SENP7: variants seen among roughly 807,000 people sequenced by gnomAD.
The protein encoded by SENP7 is sentrin-specific protease 7.
A neutral mutation model predicts 141.2 loss-of-function variants in SENP7; 64 were observed. That is an observed-to-expected ratio of 0.45 (90% CI 0.37 to 0.56). SENP7 has a LOEUF of 0.56. Among genes scored for constraint, SENP7 ranks in the 20% least tolerant of loss-of-function variants. The pLI is 0.00. For synonymous variants in SENP7, 382 were observed against 426.4 expected (o/e 0.90, Z 1.28); for missense variants, 1,025 against 1,212.2 (o/e 0.85, Z 2.29).
Position 101,358,007 on chromosome 3 carries a change from C to A in SENP7, c.1623+3708G>T, listed in dbSNP as rs1184906854. 5 of 610,628 alleles carry A rather than the reference C, an allele frequency of 8.2e-6. No homozygotes were observed. The East Asian group carries it at 2.5e-4, about 31-fold the overall frequency. The allele number at this position is 610,628 out of a possible 1,614,324, so 37.8% of individuals were successfully genotyped here. ...TAAGAAAATTCTTATTGGAGAGAAA[C>A]CATACAAGTGTGTTAAATGTGGCAA... On this transcript the variant is annotated intron_variant, in intron 11 of 23. Transcript: ENST00000394095.
intron 3 of SENP7, among the ~76,000 whole-genome samples, chr3:101,490,207 A>C (rs1437504315): frequency 3.3e-5 from 5 of 151,732 alleles, no homozygotes; most frequent in Admixed American, 3.3e-4. Context: ...AAACAAACAA[A>C]CAAAAAAAAA....
In SENP7 at chr3:101,438,679, C is replaced by A. The variant is rs1183398198; in HGVS notation, c.284+20276G>T. ...ATATTTAAAATAGATACATGTTATT[C>A]TATGTAAATTACACATCAATAAAGT... On this transcript the variant is annotated intron_variant, in intron 4 of 23. Transcript: ENST00000394095. Among the ~76,000 whole-genome samples, 16 of 152,288 alleles carry A rather than the reference C, an allele frequency of 1.1e-4. No individual in the cohort carries two copies. In the East Asian group the frequency reaches 3.1e-3, roughly 29 times the overall value.
intron 2 of SENP7, 124 bp downstream of exon 2, chr3:101,500,945 TC>T (rs1218055018): frequency 3.0e-6 from 2 of 657,174 alleles, no homozygotes; most frequent in Non-Finnish European, 5.2e-6. Flanking sequence ...TACACCACTC[TC>T]CCAAAACACT....
At chr3:101,368,696 C>T (rs541132254) in intron 7 of SENP7, among the ~76,000 whole-genome samples, 10 of 151,780 alleles carry the variant, frequency 6.6e-5, no homozygotes, top group African/African-American at 1.4e-4. Flanking sequence ...CTAACCTGCA[C>T]GTTGTGCACA....
intron 1 of SENP7, among the ~76,000 whole-genome samples, chr3:101,503,534 CACAATATGGAT>C (rs2065474068): frequency 6.6e-6 from 1 of 152,182 alleles, no homozygotes; most frequent in Non-Finnish European, 1.5e-5. Flanking sequence ...TACTGCTACG[CACAATATGGAT>C]ACATTTCTCA....
At chr3:101,418,926 G>A (rs544568539) in intron 4 of SENP7, among the ~76,000 whole-genome samples, 71 of 152,240 alleles carry the variant, frequency 4.7e-4, no homozygotes, top group Middle Eastern at 3.4e-3. Flanking sequence ...GCAAAACAAC[G>A]ATGCTAGTAT....
At chr3:101,435,006 A>T (rs1337948629) in intron 4 of SENP7, among the ~76,000 whole-genome samples, 1 of 152,180 alleles carries the variant, frequency 6.6e-6, no homozygotes, top group Non-Finnish European at 1.5e-5. Flanking sequence ...ATGAACACTG[A>T]TGCAAAAATC....
intron 4 of SENP7, among the ~76,000 whole-genome samples, chr3:101,439,744 T>C (rs1255890492): frequency 4.6e-5 from 1 of 21,674 alleles, no homozygotes; most frequent in Non-Finnish European, 1.2e-4. Flanking sequence ...GCCCCCCGCC[T>C]GGCCAGCCGC....
At chr3:101,458,131 G>A (rs1228734752) in intron 4 of SENP7, among the ~76,000 whole-genome samples, 1 of 152,004 alleles carries the variant, frequency 6.6e-6, no homozygotes, top group Non-Finnish European at 1.5e-5. Flanking sequence ...ATTTATCCAT[G>A]GTATGGTAAT....
intron 1 of SENP7, among the ~76,000 whole-genome samples, chr3:101,505,904 T>G (rs1290203595): frequency 6.6e-6 from 1 of 152,190 alleles, no homozygotes. Context: ...TTTAAAAGAC[T>G]GTAGTATATT....
At chr3:101,404,665 ATC>A (rs1162495292) in intron 5 of SENP7, among the ~76,000 whole-genome samples, 1 of 152,206 alleles carries the variant, frequency 6.6e-6, no homozygotes, top group African/African-American at 2.4e-5. Flanking sequence ...AGTTTTTGCA[ATC>A]TATCCATCTA....
intron 5 of SENP7, among the ~76,000 whole-genome samples, chr3:101,410,701 C>T (rs527638228): frequency 5.3e-5 from 8 of 151,928 alleles, no homozygotes; most frequent in East Asian, 1.9e-4. Context: ...AAAGATTAGC[C>T]GGGCATGGTG....
At chr3:101,416,252 C>A (rs1185694571) in intron 5 of SENP7, among the ~76,000 whole-genome samples, 1 of 94,920 alleles carries the variant, frequency 1.1e-5, no homozygotes, top group East Asian at 2.8e-4. Context: ...GGACTCTTTA[C>A]TTCATATTAT....
chr3:101,483,140 A>G (rs978735217), intron 3 of SENP7, among the ~76,000 whole-genome samples: 1 of 152,216 alleles, frequency 6.6e-6, no homozygotes, highest in African/African-American at 2.4e-5. Context: ...AGACACATGC[A>G]GTCAAATGTT....
At chr3:101,431,973 A>G (rs2062196326) in intron 4 of SENP7, among the ~76,000 whole-genome samples, 1 of 152,148 alleles carries the variant, frequency 6.6e-6, no homozygotes, top group African/African-American at 2.4e-5. Flanking sequence ...GGAGTAGAGC[A>G]CCAAAGAGGC....
intron 7 of SENP7, among the ~76,000 whole-genome samples, chr3:101,368,695 A>C (rs1015466227): frequency 2.0e-5 from 3 of 152,082 alleles, no homozygotes; most frequent in African/African-American, 7.2e-5. Context: ...ACTAACCTGC[A>C]CGTTGTGCAC....
At position 101,351,660 on chromosome 3, in the gene SENP7, A is replaced by G; in HGVS notation, c.1624-9T>C. The G allele has an allele frequency of 7.4e-7, 1 of 1,350,178 alleles. No individual in the cohort carries two copies. The highest frequency in any genetic ancestry group is 9.7e-7 in the Non-Finnish European group (1 of 1,032,800). 83.6% of individuals were successfully genotyped at this position (1,350,178 alleles called of 1,614,324 possible). A position where few individuals can be genotyped will look rare whatever the true frequency, so the allele number is the denominator to read the frequency against. ...ATATATTTTTTTGTGATCTGAAGAA[A>G]AAATTAAAAAGCAAACAATGAGTTA... On this transcript the variant is annotated splice_polypyrimidine_tract_variant and intron_variant, in intron 11 of 23. Coordinates refer to ENST00000394095, the MANE Select transcript of SENP7 (RefSeq NM_020654.5).
chr3:101,490,022 T>C (rs1352897627), intron 3 of SENP7, among the ~76,000 whole-genome samples: 1 of 151,952 alleles, frequency 6.6e-6, no homozygotes, highest in Non-Finnish European at 1.5e-5. Flanking sequence ...CCATCTCTAC[T>C]AAAAATACAA....
At chr3:101,357,217 T>G (rs1451065959) in intron 11 of SENP7, 2 of 303,132 alleles carry the variant, frequency 6.6e-6, no homozygotes, top group East Asian at 1.7e-4. Flanking sequence ...GTCAGGCTGG[T>G]CTCGCACTCC....
Sources: gnomAD v4.1 joint callset for allele counts (sites outside exome capture counted in the v4.1 genomes callset) on GRCh38, gnomAD v4.1.1 for gene constraint, MANE v1.5 for transcripts, NCBI Gene and HGNC (gene_info 2026-07-23, HGNC 2026-07-21) for gene names.